The following PCDHGA3 variants were observed in gnomAD, a reference collection of about 807,000 sequenced individuals.
PCDHGA3 encodes the protein protocadherin gamma subfamily A, 3.
A neutral mutation model predicts 58.5 loss-of-function variants in PCDHGA3; 40 were observed. The ratio of observed to expected loss-of-function variants is 0.68; its 90% confidence interval spans 0.53 to 0.89. The LOEUF is 0.89. Among genes scored for constraint, PCDHGA3 ranks in the 40% least tolerant of loss-of-function variants. PCDHGA3 has a pLI of 0.00. For synonymous variants in PCDHGA3, 530 were observed against 525.7 expected, an observed-to-expected ratio of 1.01 and a Z score of -0.11; for missense variants, 1,223 against 1,195.9, an observed-to-expected ratio of 1.02 and a Z score of -0.33.
At chr5:141,500,192 A>T (rs865941565) in intron 2 of PCDHGA3, among the ~76,000 whole-genome samples, 1 of 110,142 alleles carries the variant, frequency 9.1e-6, no homozygotes, top group Non-Finnish European at 2.0e-5. Context: ...ATTTTTATTT[A>T]TTTATTTATT....
chr5:141,414,920 C>A (rs1222364302), intron 1 of PCDHGA3: 1 of 1,614,146 alleles, frequency 6.2e-7, no homozygotes, highest in South Asian at 1.1e-5. Flanking sequence ...GTGGAGCTGG[C>A]GCCCCGCTCC....
Position 141,486,859 on chromosome 5 carries a change from T to C in PCDHGA3, c.2425-7948T>C, listed in dbSNP as rs1231188225. ...TTGTGCTGGACCTCAATGACAATGC[T>C]CCAGCTGTGCTCCGTCCTCGGGCCC... On this transcript the variant is annotated intron_variant, in intron 1 of 3. Transcript: ENST00000253812. The surrounding 1 kb of genome is among the most constrained non-coding windows in gnomAD (Gnocchi z 5.0). The C allele has an allele frequency of 1.9e-6, 3 of 1,614,242 alleles. No individual in the cohort carries two copies. The highest frequency in any genetic ancestry group is 2.7e-5 in the African/African-American group (2 of 75,072).
At chr5:141,454,870 C>T (rs2098805291) in intron 1 of PCDHGA3, among the ~76,000 whole-genome samples, 1 of 131,902 alleles carries the variant, frequency 7.6e-6, no homozygotes, top group Non-Finnish European at 1.5e-5. Context: ...TGCAGTGGCA[C>T]GATCTTGGCT....
chr5:141,413,984 C>T (rs898207454), intron 1 of PCDHGA3: 2 of 1,613,300 alleles, frequency 1.2e-6, no homozygotes, highest in African/African-American at 2.7e-5. Flanking sequence ...ACAGTCACAG[C>T]CACCGACAGG....
In PCDHGA3 at chr5:141,511,098, T is replaced by G; in HGVS notation, c.2724T>G (p.Ala908=). 6.2e-7 allele frequency: 1 copy of G among 1,614,132 alleles called. No individual in the cohort carries two copies. The highest frequency in any genetic ancestry group is 8.5e-7 in the Non-Finnish European group (1 of 1,179,996). ...PGSNATLTNA[A]GKRDGKAPAG... is the part of the protein sequence containing the mutation. The stretch of plus-strand genomic sequence containing the variant: ...GCAATGCCACACTGACCAACGCAGC[T>G]GGCAAGCGGGATGGCAAGGCCCCAG... Residue 908 remains alanine, a synonymous_variant, in exon 4 of 4, where the codon GCT becomes GCG. Transcript: ENST00000253812.
intron 1 of PCDHGA3, chr5:141,428,729 A>T (rs1362138016): frequency 6.3e-6 from 1 of 159,768 alleles, no homozygotes; most frequent in East Asian, 1.8e-4. Flanking sequence ...AATCTTAAAC[A>T]TATTATATCT....
At chr5:141,418,599 A>G in intron 1 of PCDHGA3, 1 of 1,614,054 alleles carries the variant, frequency 6.2e-7, no homozygotes, top group South Asian at 1.1e-5. Flanking sequence ...CAGGACGTGT[A>G]CAGGGTTAGC....
Position 141,489,179 on chromosome 5 carries a change from C to T in PCDHGA3, c.2425-5628C>T. ...AGACTTCAGCTGCTGCATTCCAAGC[C>T]CTGGGTCTACCTTGGAGACAGGACA... On this transcript the variant is annotated intron_variant, in intron 1 of 3. Coordinates refer to ENST00000253812, the MANE Select transcript of PCDHGA3 (RefSeq NM_018916.4). The surrounding 1 kb of genome is among the most constrained non-coding windows in gnomAD (Gnocchi z 4.5). The T allele has an allele frequency of 8.0e-7, 1 of 1,243,186 alleles. No individual in the cohort carries two copies. The highest frequency in any genetic ancestry group is 1.1e-6 in the Non-Finnish European group (1 of 890,032). The allele number at this position is 1,243,186 out of a possible 1,614,324, so 77.0% of individuals were successfully genotyped here. A position where few individuals can be genotyped will look rare whatever the true frequency, so the allele number is the denominator to read the frequency against.
intron 1 of PCDHGA3, chr5:141,364,841 C>T: frequency 1.2e-6 from 2 of 1,613,988 alleles, no homozygotes. Flanking sequence ...CCGGAGTTAC[C>T]AGCTCAGCTC....
intron 1 of PCDHGA3, among the ~76,000 whole-genome samples, chr5:141,396,827 T>G (rs1339802094): frequency 6.6e-6 from 1 of 152,218 alleles, no homozygotes; most frequent in East Asian, 1.9e-4. Flanking sequence ...TGGTGCATAT[T>G]CAGTGGAGTG....
In PCDHGA3 at chr5:141,432,853, C is replaced by A. The variant is rs748301578; in HGVS notation, c.2425-61954C>A. 1.1e-5 allele frequency: 17 copies of A among 1,614,176 alleles called. No homozygotes were observed. Among genetic ancestry groups the A allele is most frequent in the East Asian group, 4.5e-5 (2 of 44,874 alleles). On this transcript the variant is annotated intron_variant, in intron 1 of 3. Transcript: ENST00000253812. The surrounding 1 kb of genome is among the most constrained non-coding windows in gnomAD (Gnocchi z 6.0). ...CTCTGTACCTGGTGGTAGCGGTGGC[C>A]GCGGTCTCCTGCGTCTTCCTGGCCT...
intron 1 of PCDHGA3, chr5:141,408,761 G>A (rs1469424988): frequency 8.7e-6 from 14 of 1,610,446 alleles, no homozygotes; most frequent in Non-Finnish European, 1.2e-5. Flanking sequence ...AGTTAATTCC[G>A]ATGGTGGCAA....
intron 1 of PCDHGA3, chr5:141,370,741 T>C (rs746594689): frequency 6.2e-7 from 1 of 1,613,900 alleles, no homozygotes; most frequent in Non-Finnish European, 8.5e-7. Flanking sequence ...CCTTTAAACT[T>C]TTTTCATGTA....
At chr5:141,449,531 G>A (rs1421489293) in intron 1 of PCDHGA3, among the ~76,000 whole-genome samples, 2 of 149,216 alleles carry the variant, frequency 1.3e-5, no homozygotes, top group Admixed American at 6.7e-5. Flanking sequence ...GGAGGTTGCA[G>A]TGAGCCGAGA....
At chr5:141,414,090 A>C (rs2095707874) in intron 1 of PCDHGA3, 4 of 1,598,352 alleles carry the variant, frequency 2.5e-6, no homozygotes, top group Non-Finnish European at 3.4e-6. Context: ...CTGGAGAAAT[A>C]AAAATATCAG....
intron 1 of PCDHGA3, chr5:141,370,814 G>A (rs1177067134): frequency 9.9e-6 from 16 of 1,613,906 alleles, no homozygotes; most frequent in Non-Finnish European, 1.4e-5. Flanking sequence ...TCACTGAGCT[G>A]GAAATCAGCG....
intron 1 of PCDHGA3, among the ~76,000 whole-genome samples, chr5:141,453,061 T>G (rs1351911724): frequency 6.6e-6 from 1 of 152,102 alleles, no homozygotes; most frequent in Non-Finnish European, 1.5e-5. Context: ...AGTTTTAGAG[T>G]TTTGCCACAC....
chr5:141,432,960 G>C lies in PCDHGA3; in HGVS notation c.2425-61847G>C. ...CAGGCTTCAGGAGGCGGCTTGACAG[G>C]AGCGCCGGCGTCGCACTTTGTGGGC... On this transcript the variant is annotated intron_variant, in intron 1 of 3. Transcript: ENST00000253812. This position sits in a 1 kb window ranked among gnomAD's most constrained non-coding sequence, Gnocchi z 6.0. The C allele has an allele frequency of 2.5e-6, 4 of 1,614,188 alleles. No homozygotes were observed. The highest frequency in any genetic ancestry group is 3.4e-6 in the Non-Finnish European group (4 of 1,180,034).
At chr5:141,366,280 C>T (rs1764463733) in intron 1 of PCDHGA3, 1 of 1,613,692 alleles carries the variant, frequency 6.2e-7, no homozygotes, top group African/African-American at 1.3e-5. Context: ...AAGACCATGG[C>T]CAGCCCCCTC....
Sources: allele counts gnomAD v4.1 joint callset (sites outside exome capture counted in the v4.1 genomes callset), GRCh38; gene constraint gnomAD v4.1.1; non-coding constraint Gnocchi (gnomAD v3.1); transcripts MANE v1.5; gene names NCBI Gene and HGNC (gene_info 2026-07-23, HGNC 2026-07-21).